MTMR12: variants seen among roughly 807,000 people sequenced by gnomAD.
MTMR12 encodes the protein myotubularin related protein 12, also known as myotubularin-related protein 12.
MTMR12 carries 33 observed loss-of-function variants against 96.7 expected under a neutral mutation model. The observed-to-expected ratio is 0.34, with a 90% CI of 0.26 to 0.46. MTMR12 has a LOEUF of 0.46. MTMR12 is among the 20% of genes least tolerant of loss of function. MTMR12 has a pLI of 1.00. For synonymous variants in MTMR12, 298 were observed against 327.2 expected (o/e 0.91, Z 0.96); for missense variants, 721 against 896.1 (o/e 0.80, Z 2.49).
chr5:32,286,087 C>T (rs1750529774), intron 1 of MTMR12, among the ~76,000 whole-genome samples: 2 of 152,154 alleles, frequency 1.3e-5, no homozygotes, highest in South Asian at 2.1e-4. Context: ...TGTCTATAAT[C>T]CCAGCACTCT....
chr5:32,297,761 T>G (rs1006970399), intron 1 of MTMR12, among the ~76,000 whole-genome samples: 11 of 152,064 alleles, frequency 7.2e-5, no homozygotes, highest in Admixed American at 2.6e-4. Flanking sequence ...AAGAAAGAAA[T>G]AAATAAAACT....
At chr5:32,234,186 G>A (rs915276952) in intron 14 of MTMR12, among the ~76,000 whole-genome samples, 8 of 152,136 alleles carry the variant, frequency 5.3e-5, no homozygotes, top group South Asian at 2.1e-4. Context: ...CCACAGCCTC[G>A]CGAGGCAACT....
In MTMR12 at chr5:32,263,176, C is replaced by G. The variant is rs1749439075; in HGVS notation, c.650G>C (p.Arg217Pro). The G allele has an allele frequency of 6.2e-7, 1 of 1,614,040 alleles. No individual in the cohort carries two copies. Among genetic ancestry groups the G allele is most frequent in the Non-Finnish European group, 8.5e-7 (1 of 1,180,044 alleles). ...TTTGTACTTCATGTTGCCTTTGGTCCGTTCCAGTTCCCAACACCAGTCCTT... is the reference window on the plus strand; with the variant it reads ...TTTGTACTTCATGTTGCCTTTGGTCGGTTCCAGTTCCCAACACCAGTCCTT... ...TLKDWCWELE[R>P]TKGNMKYKAV... is the part of the protein sequence containing the mutation. Residue 217 changes from arginine (R) to proline (P), a missense_variant, in exon 7 of 16, where the codon CGG becomes CCG. Arg to Pro is a moderately radical substitution (Grantham distance 103). Coordinates refer to ENST00000382142, the MANE Select transcript of MTMR12 (RefSeq NM_001040446.3).
In MTMR12 at chr5:32,293,965, A is replaced by G. The variant is rs1002665343; in HGVS notation, c.82-17223T>C. Among the ~76,000 whole-genome samples, 10 of 151,724 alleles carry G rather than the reference A, an allele frequency of 6.6e-5. No individual in the cohort carries two copies. The East Asian group carries it at 1.9e-3, about 29-fold the overall frequency. ...AGAAACCTGAGAGTCACTCTTACCT[A>G]CTCCCTGCCTCTCACAGCCTGTGCT... is the stretch of plus-strand genomic sequence containing the variant. On this transcript the variant is annotated intron_variant, in intron 1 of 15. Transcript: ENST00000382142.
intron 6 of MTMR12, among the ~76,000 whole-genome samples, 190 bp from the exon 7 acceptor site, chr5:32,263,432 C>CT (rs1322346251): frequency 0.037 from 5,107 of 139,770 alleles, 122 homozygotes; most frequent in Middle Eastern, 0.062. Flanking sequence ...GACTGAGTCT[C>CT]TTTTTTTTTT....
At chr5:32,262,735 C>T (rs571156281) in intron 7 of MTMR12, among the ~76,000 whole-genome samples, 2 of 152,308 alleles carry the variant, frequency 1.3e-5, no homozygotes, top group South Asian at 2.1e-4. Context: ...CATTATGGAA[C>T]ATTACTTGGC....
intron 1 of MTMR12, among the ~76,000 whole-genome samples, chr5:32,309,241 CT>C (rs1751484344): frequency 6.6e-6 from 1 of 152,192 alleles, no homozygotes; most frequent in East Asian, 1.9e-4. Flanking sequence ...AGACTTTCCA[CT>C]TGTAGTTTAA....
chr5:32,237,272 A>C (rs184208466), intron 13 of MTMR12, among the ~76,000 whole-genome samples: 1 of 152,346 alleles, frequency 6.6e-6, no homozygotes, highest in Non-Finnish European at 1.5e-5. Flanking sequence ...TTTTCCTTCC[A>C]ACAATCATCA....
chr5:32,307,172 G>A (rs1037602830), intron 1 of MTMR12, among the ~76,000 whole-genome samples: 5 of 152,082 alleles, frequency 3.3e-5, no homozygotes, highest in African/African-American at 1.2e-4. Context: ...AGTTGTTTAT[G>A]TTTATAATCG....
At chr5:32,255,793 T>G in intron 7 of MTMR12, 25 bp from the exon 8 acceptor site, 1 of 1,576,932 alleles carries the variant, frequency 6.3e-7, no homozygotes, top group Non-Finnish European at 8.7e-7. Context: ...TGTCATCAAG[T>G]TTTAGTACAA....
chr5:32,244,538 C>T (rs1394200419), intron 10 of MTMR12, among the ~76,000 whole-genome samples: 1 of 152,050 alleles, frequency 6.6e-6, no homozygotes, highest in African/African-American at 2.4e-5. Context: ...TTACAGTGAG[C>T]TAAGATCGCA....
intron 15 of MTMR12, among the ~76,000 whole-genome samples, chr5:32,231,380 G>GCAAAAAAA (rs1177322636): frequency 9.9e-6 from 1 of 101,506 alleles, no homozygotes; most frequent in African/African-American, 6.2e-5. Context: ...ACTCTGGCTC[G>GCAAAAAAA]CAAAAAAAAA....
chr5:32,232,936 G>C lies in MTMR12; in HGVS notation c.1674+837C>G, dbSNP rs1440440018. 3 of 979,872 alleles carry C rather than the reference G, an allele frequency of 3.1e-6. No homozygotes were observed. The African/African-American group carries it at 5.3e-5, about 17-fold the overall frequency. The allele number at this position is 979,872 out of a possible 1,614,324, so 60.7% of individuals were successfully genotyped here. A position where few individuals can be genotyped will look rare whatever the true frequency, so the allele number is the denominator to read the frequency against. On this transcript the variant is annotated intron_variant, in intron 15 of 15. Coordinates refer to ENST00000382142, the MANE Select transcript of MTMR12 (RefSeq NM_001040446.3). ...GGATAAGGATGGCATGGAGAAGGCA[G>C]TGACACACATCGACTTAGACTTACC...
chr5:32,268,032 C>T (rs185505462), intron 6 of MTMR12, among the ~76,000 whole-genome samples: 1 of 152,198 alleles, frequency 6.6e-6, no homozygotes, highest in East Asian at 1.9e-4. Context: ...CAGGGTTTCA[C>T]CAGGTTGCCA....
intron 7 of MTMR12, among the ~76,000 whole-genome samples, chr5:32,256,458 T>C (rs1262238102): frequency 6.6e-6 from 1 of 152,236 alleles, no homozygotes; most frequent in African/African-American, 2.4e-5. Flanking sequence ...AACCCAAGCA[T>C]TGGGACTTCA....
intron 1 of MTMR12, among the ~76,000 whole-genome samples, chr5:32,294,301 T>C (rs553825802): frequency 2.0e-5 from 3 of 151,770 alleles, no homozygotes; most frequent in Non-Finnish European, 4.4e-5. Flanking sequence ...GCACTTTTCC[T>C]TTTTTCCTTT....
chr5:32,305,157 T>C (rs1379792659), intron 1 of MTMR12, among the ~76,000 whole-genome samples: 1 of 152,166 alleles, frequency 6.6e-6, no homozygotes, highest in Non-Finnish European at 1.5e-5. Context: ...GGCGCGATCT[T>C]GGCTCACTGC....
chr5:32,233,727 C>G lies in MTMR12; in HGVS notation c.1674+46G>C. 3.7e-6 allele frequency: 6 copies of G among 1,612,280 alleles called. No individual in the cohort carries two copies. The highest frequency in any genetic ancestry group is 5.1e-6 in the Non-Finnish European group (6 of 1,178,694). On this transcript the variant is annotated intron_variant, in intron 15 of 15. Transcript: ENST00000382142. The surrounding 1 kb of genome is among the most constrained non-coding windows in gnomAD (Gnocchi z 5.0). ...TAAGTACCTTTTATCATTACATGCA[C>G]GGGGTCTGGGCAGCTGAAGGGGGTT... is the stretch of plus-strand genomic sequence containing the variant.
In MTMR12 at chr5:32,228,571, T is replaced by TATATATGTGATATATATATATCAC. The variant is rs1561726938; in HGVS notation, c.*1206_*1207insGTGATATATATATATCACATATAT. 9 of 135,386 alleles carry TATATATGTGATATATATATATCAC rather than the reference T, an allele frequency of 6.6e-5. No homozygotes were observed. Among genetic ancestry groups the TATATATGTGATATATATATATCAC allele is most frequent in the African/African-American group, 1.2e-4 (4 of 34,732 alleles). 8.4% of individuals were successfully genotyped at this position (135,386 alleles called of 1,614,324 possible). The stretch of plus-strand genomic sequence containing the variant: ...ATATATATGTGATATATATATATCA[T>TATATATGTGATATATATATATCAC]ATATATATCATATATATGTGATATA... On this transcript the variant is annotated 3_prime_UTR_variant, in exon 16 of 16. Transcript: ENST00000382142.
Sources: gnomAD v4.1 joint callset for allele counts (sites outside exome capture counted in the v4.1 genomes callset) on GRCh38, gnomAD v4.1.1 for gene constraint, Gnocchi (gnomAD v3.1) non-coding constraint, MANE v1.5 for transcripts, NCBI Gene and HGNC (gene_info 2026-07-23, HGNC 2026-07-21) for gene names.